The following HS3ST3A1 variants were observed in gnomAD, a reference collection of about 807,000 sequenced individuals.
HS3ST3A1 encodes heparan sulfate glucosamine 3-O-sulfotransferase 3A1.
HS3ST3A1 carries 19 observed loss-of-function variants against 25.7 expected under a neutral mutation model. The observed-to-expected ratio is 0.74, with a 90% CI of 0.52 to 1.08. The LOEUF (loss-of-function observed/expected upper bound fraction) is 1.08. HS3ST3A1 is among the 50% of genes least tolerant of loss of function. HS3ST3A1 has a pLI of 0.00. For synonymous variants in HS3ST3A1, 226 were observed against 278.6 expected (o/e 0.81, Z 1.88); for missense variants, 459 against 594.3 (o/e 0.77, Z 2.37).
At chr17:13,590,901 C>T (rs1355964383) in intron 1 of HS3ST3A1, among the ~76,000 whole-genome samples, 1 of 147,048 alleles carries the variant, frequency 6.8e-6, no homozygotes, top group Non-Finnish European at 1.5e-5. Flanking sequence ...CGGGAGAGCA[C>T]TGGATTGGGG....
intron 1 of HS3ST3A1, among the ~76,000 whole-genome samples, chr17:13,582,213 G>A (rs947773935): frequency 1.3e-5 from 2 of 151,990 alleles, no homozygotes; most frequent in Admixed American, 6.6e-5. Flanking sequence ...AATTTTTAGC[G>A]GCCTTGGGGA....
In HS3ST3A1 at chr17:13,530,040, G is replaced by A. The variant is rs372711181; in HGVS notation, c.600-33222C>T. Among the ~76,000 whole-genome samples the A allele has an allele frequency of 1.1e-3, 137 of 127,968 alleles. 1 individual carries two copies. The highest frequency in any genetic ancestry group is 3.6e-3 in the African/African-American group (125 of 34,762). The allele number at this position is 127,968 out of a possible 152,430, so 84.0% of individuals were successfully genotyped here. ...CACACACACACACACACATACACACGGGTTGGGGTGGGCATATACCTACCA... is the reference window on the plus strand; with the variant it reads ...CACACACACACACACACATACACACAGGTTGGGGTGGGCATATACCTACCA... On this transcript the variant is annotated intron_variant, in intron 1 of 1. Transcript: ENST00000284110.
At chr17:13,559,367 A>G (rs889369692) in intron 1 of HS3ST3A1, among the ~76,000 whole-genome samples, 37 of 152,100 alleles carry the variant, frequency 2.4e-4, no homozygotes, top group African/African-American at 8.7e-4. Context: ...TATGTGTCCA[A>G]ACTCTACTTC....
intron 1 of HS3ST3A1, among the ~76,000 whole-genome samples, chr17:13,567,425 A>G (rs1907702504): frequency 6.6e-6 from 1 of 152,216 alleles, no homozygotes; most frequent in East Asian, 1.9e-4. Context: ...ACAAAGAGTA[A>G]TTTTGACTTT....
intron 1 of HS3ST3A1, among the ~76,000 whole-genome samples, chr17:13,509,942 G>C (rs1345258796): frequency 6.6e-6 from 1 of 152,188 alleles, no homozygotes; most frequent in African/African-American, 2.4e-5. Flanking sequence ...CCCAGGGCTT[G>C]ATTATCTGAA....
chr17:13,510,128 G>A (rs2142305276), intron 1 of HS3ST3A1, among the ~76,000 whole-genome samples: 1 of 152,342 alleles, frequency 6.6e-6, no homozygotes, highest in African/African-American at 2.4e-5. Context: ...AAAGTGGGGA[G>A]AGCCTGGGCC....
At chr17:13,517,245 G>A (rs1402763148) in intron 1 of HS3ST3A1, among the ~76,000 whole-genome samples, 1 of 152,094 alleles carries the variant, frequency 6.6e-6, no homozygotes, top group Non-Finnish European at 1.5e-5. Flanking sequence ...TTAATAAATG[G>A]CTAACATTAG....
chr17:13,512,469 G>A (rs1394141208), intron 1 of HS3ST3A1, among the ~76,000 whole-genome samples: 3 of 152,172 alleles, frequency 2.0e-5, no homozygotes, highest in Non-Finnish European at 2.9e-5. Context: ...TTGACGAGAT[G>A]AAAGTGCTCT....
intron 1 of HS3ST3A1, among the ~76,000 whole-genome samples, chr17:13,598,501 A>C (rs1272329408): frequency 2.0e-5 from 3 of 152,212 alleles, no homozygotes; most frequent in Non-Finnish European, 4.4e-5. Context: ...CACTTAGAAA[A>C]TTAAATTCAG....
Position 13,601,297 on chromosome 17 carries a change from G to A in HS3ST3A1, c.-168C>T. ...GGAGGCAGCGGCCGGGGCTCCGCGG[G>A]GAAACGGAATCCCGGGGGCCCCGCG... is the stretch of plus-strand genomic sequence containing the variant. On this transcript the variant is annotated 5_prime_UTR_variant, in exon 1 of 2. Transcript: ENST00000284110. 3.8e-6 allele frequency: 2 copies of A among 533,070 alleles called. No individual in the cohort carries two copies. Among genetic ancestry groups the A allele is most frequent in the Non-Finnish European group, 6.3e-6 (2 of 316,420 alleles). 33.0% of individuals were successfully genotyped at this position (533,070 alleles called of 1,614,324 possible).
intron 1 of HS3ST3A1, among the ~76,000 whole-genome samples, chr17:13,553,365 T>C (rs1907291237): frequency 6.6e-6 from 1 of 151,938 alleles, no homozygotes; most frequent in Non-Finnish European, 1.5e-5. Context: ...AAGGAGTGGG[T>C]CTTGTGGCTG....
chr17:13,527,294 G>C (rs1041942080), intron 1 of HS3ST3A1, among the ~76,000 whole-genome samples: 4 of 152,166 alleles, frequency 2.6e-5, no homozygotes, highest in Admixed American at 2.6e-4. Flanking sequence ...AAAAAGGAGA[G>C]GGAGGGCATG....
chr17:13,527,962 T>A (rs747223455), intron 1 of HS3ST3A1, among the ~76,000 whole-genome samples: 5 of 151,906 alleles, frequency 3.3e-5, no homozygotes, highest in African/African-American at 7.3e-5. Context: ...ATGTTCTTAT[T>A]TTTTTTTACA....
intron 1 of HS3ST3A1, among the ~76,000 whole-genome samples, chr17:13,581,214 C>CCTA (rs1418268617): frequency 1.3e-5 from 2 of 152,100 alleles, no homozygotes; most frequent in Admixed American, 1.3e-4. Flanking sequence ...GCTATATACA[C>CCTA]ATAATAGTAG....
At chr17:13,531,269 T>G (rs542607401) in intron 1 of HS3ST3A1, among the ~76,000 whole-genome samples, 2 of 152,260 alleles carry the variant, frequency 1.3e-5, no homozygotes, top group South Asian at 4.1e-4. Context: ...AATCAAGAAC[T>G]CGGGGTTGTA....
At chr17:13,500,298 G>A (rs1279510126) in intron 1 of HS3ST3A1, among the ~76,000 whole-genome samples, 3 of 152,080 alleles carry the variant, frequency 2.0e-5, no homozygotes, top group Non-Finnish European at 4.4e-5. Flanking sequence ...GCAATTATTG[G>A]CAAAACCGCA....
intron 1 of HS3ST3A1, among the ~76,000 whole-genome samples, chr17:13,537,110 G>A (rs1011679097): frequency 6.6e-6 from 1 of 152,114 alleles, no homozygotes; most frequent in Non-Finnish European, 1.5e-5. Flanking sequence ...TCTGCCTAGG[G>A]CACGTCGTGA....
chr17:13,568,805 CT>C (rs888929158), intron 1 of HS3ST3A1, among the ~76,000 whole-genome samples: 9 of 152,120 alleles, frequency 5.9e-5, no homozygotes, highest in African/African-American at 2.2e-4. Context: ...TTCAGTTTTT[CT>C]TTTGCCAAAG....
intron 1 of HS3ST3A1, among the ~76,000 whole-genome samples, chr17:13,551,384 A>G (rs867766523): frequency 7.5e-6 from 1 of 132,938 alleles, no homozygotes; most frequent in African/African-American, 2.9e-5. Flanking sequence ...TAAATAAATA[A>G]ATAAATATAA....
Sources: allele counts gnomAD v4.1 joint callset (sites outside exome capture counted in the v4.1 genomes callset), GRCh38; gene constraint gnomAD v4.1.1; transcripts MANE v1.5; gene names NCBI Gene and HGNC (gene_info 2026-07-23, HGNC 2026-07-21).